RMC1: variants seen among roughly 807,000 people sequenced by gnomAD.
The protein encoded by RMC1 is regulator of MON1-CCZ1, also known as regulator of MON1-CCZ1 complex.
A neutral mutation model predicts 95.5 loss-of-function variants in RMC1; 44 were observed. That is an observed-to-expected ratio of 0.46 (90% CI 0.36 to 0.59). The LOEUF is 0.59. Ranked by LOEUF, RMC1 falls within the 20% of genes least tolerant of loss-of-function variation. RMC1 has a pLI of 0.00. For synonymous variants in RMC1, 320 were observed against 303.6 expected, an observed-to-expected ratio of 1.05 and a Z score of -0.56; for missense variants, 705 against 819.6, an observed-to-expected ratio of 0.86 and a Z score of 1.71.
At chr18:23,511,973 A>G (rs1000954028) in intron 5 of RMC1, among the ~76,000 whole-genome samples, 23 of 149,490 alleles carry the variant, frequency 1.5e-4, no homozygotes, top group African/African-American at 5.4e-4. Context: ...AGGACTGGAT[A>G]TTATCAGTCT....
At position 23,509,221 on chromosome 18, in the gene RMC1, G is replaced by C. The variant is rs945676275; in HGVS notation, c.350G>C (p.Cys117Ser). The C allele has an allele frequency of 2.7e-6, 4 of 1,458,512 alleles. No homozygotes were observed. The highest frequency in any genetic ancestry group is 3.6e-6 in the Non-Finnish European group (4 of 1,103,370). 90.3% of individuals were successfully genotyped at this position (1,458,512 alleles called of 1,614,324 possible). The stretch of plus-strand genomic sequence containing the variant: ...AAGAATGCCAACATTCTAGGATTCT[G>C]CTGGACTAGTTCAACTGAAATTGTC... ...KTKNANILGF[C>S]WTSSTEIVFI... Residue 117 changes from cysteine to serine, a missense_variant, in exon 5 of 20, where the codon TGC (cysteine) becomes TCC (serine). By Grantham distance (112) the Cys-to-Ser change is moderately radical. Transcript: ENST00000269221.
chr18:23,525,262 T>A (rs919755760), intron 12 of RMC1, among the ~76,000 whole-genome samples: 4 of 151,672 alleles, frequency 2.6e-5, no homozygotes, highest in Non-Finnish European at 4.4e-5. Flanking sequence ...AATCTTATTT[T>A]TTTAAGGCAG....
chr18:23,530,430 C>T lies in RMC1; in HGVS notation c.1712C>T (p.Ser571Phe). Reference sequence around the variant, plus strand: ...GATGAAATAGTAGAAGTTCTCCTTTCCAAACACCAAGTGTTAGCTGCCTTA... The same window carrying T: ...GATGAAATAGTAGAAGTTCTCCTTTTCAAACACCAAGTGTTAGCTGCCTTA... ...ANDEIVEVLL[S>F]KHQVLAALRF... Residue 571 changes from serine (S) to phenylalanine (F), a missense_variant, in exon 19 of 20, where the codon TCC becomes TTC. By Grantham distance (155) the Ser-to-Phe change is radical (BLOSUM62 -2). Transcript: ENST00000269221. 1 of 1,614,264 alleles carries T rather than the reference C, an allele frequency of 6.2e-7. No homozygotes were observed. The highest frequency in any genetic ancestry group is 8.5e-7 in the Non-Finnish European group (1 of 1,180,042).
At chr18:23,514,586 TAGG>T (rs1453033009) in intron 5 of RMC1, among the ~76,000 whole-genome samples, 2 of 151,944 alleles carry the variant, frequency 1.3e-5, no homozygotes, top group Non-Finnish European at 2.9e-5. Context: ...TAATGACCAA[TAGG>T]AGAACTTTAA....
chr18:23,527,952 G>C, intron 14 of RMC1, 51 bp downstream of exon 14: 1 of 1,411,020 alleles, frequency 7.1e-7, no homozygotes, highest in Non-Finnish European at 9.7e-7. Flanking sequence ...CCCCCTCCCG[G>C]GTATTTTCTA....
chr18:23,530,314 A>G lies in RMC1; in HGVS notation c.1668+17A>G. On this transcript the variant is annotated intron_variant, in intron 18 of 19. Transcript: ENST00000269221. ...ATGCTGAAGGTAACTCTGATGTGTG[A>G]GGTTTTAGACTATGGAAACTAACTC... 2 of 1,614,136 alleles carry G rather than the reference A, an allele frequency of 1.2e-6. No homozygotes were observed. Among genetic ancestry groups the G allele is most frequent in the Middle Eastern group, 1.6e-4 (1 of 6,062 alleles).
At chr18:23,510,742 C>G (rs2057832840) in intron 5 of RMC1, among the ~76,000 whole-genome samples, 1 of 152,164 alleles carries the variant, frequency 6.6e-6, no homozygotes, top group Admixed American at 6.5e-5. Context: ...CATCACTGAT[C>G]ATTAGAGAAA....
chr18:23,520,129 G>C (rs975747306), intron 9 of RMC1, 73 bp from the exon 10 acceptor site: 3 of 1,123,042 alleles, frequency 2.7e-6, no homozygotes, highest in Non-Finnish European at 4.1e-6. Flanking sequence ...TAAACAGCAA[G>C]ATGGGATGGA....
chr18:23,511,053 A>G (rs867382509), intron 5 of RMC1, among the ~76,000 whole-genome samples: 3 of 152,248 alleles, frequency 2.0e-5, no homozygotes, highest in African/African-American at 7.2e-5. Flanking sequence ...ACTGTTCACA[A>G]TGGCAAAGAC....
intron 12 of RMC1, among the ~76,000 whole-genome samples, 165 bp downstream of exon 12, chr18:23,524,647 G>A (rs778151814): frequency 3.7e-4 from 56 of 151,510 alleles, no homozygotes; most frequent in Non-Finnish European, 7.1e-4. Context: ...TTTACTATAT[G>A]TGCATTTTAT....
Position 23,520,294 on chromosome 18 carries a change from C to G in RMC1, c.942C>G (p.Pro314=). ...TGCTTCCCGCTCGATCGATCCAGCC[C>G]TATCAGATCCCCATCACAGGTAACA... ...HPVLPARSIQ[P]YQIPITGPAA... Residue 314 remains proline (P), a synonymous_variant, in exon 10 of 20, where the codon CCC becomes CCG. Coordinates refer to ENST00000269221, the MANE Select transcript of RMC1 (RefSeq NM_013326.5). The G allele has an allele frequency of 1.9e-6, 3 of 1,613,918 alleles. No individual in the cohort carries two copies. Among genetic ancestry groups the G allele is most frequent in the Non-Finnish European group, 2.5e-6 (3 of 1,179,804 alleles).
At chr18:23,503,772 C>A in intron 1 of RMC1, 52 bp downstream of exon 1, 1 of 1,505,700 alleles carries the variant, frequency 6.6e-7, no homozygotes, top group Non-Finnish European at 9.0e-7. Flanking sequence ...GGGTCGTGGG[C>A]GCGCCAAGGC....
chr18:23,529,329 TGA>T, intron 15 of RMC1, 31 bp downstream of exon 15: 1 of 1,592,630 alleles, frequency 6.3e-7, no homozygotes, highest in Non-Finnish European at 8.5e-7. Flanking sequence ...TCTTCTGGAC[TGA>T]GAATGCTCAA....
At chr18:23,523,811 A>G (rs1181290658) in intron 10 of RMC1, among the ~76,000 whole-genome samples, 2 of 152,218 alleles carry the variant, frequency 1.3e-5, no homozygotes, top group African/African-American at 2.4e-5. Context: ...GAATCCTTCA[A>G]GTAAATTTCT....
chr18:23,520,882 A>C (rs1372111860), intron 10 of RMC1, among the ~76,000 whole-genome samples: 11 of 152,024 alleles, frequency 7.2e-5, no homozygotes, highest in Non-Finnish European at 1.6e-4. Flanking sequence ...CGCCCAGCTA[A>C]TTTTTTTGTA....
intron 10 of RMC1, among the ~76,000 whole-genome samples, chr18:23,521,890 C>G (rs551083217): frequency 1.1e-4 from 17 of 152,308 alleles, no homozygotes; most frequent in African/African-American, 3.9e-4. Flanking sequence ...TCTCTCCCGG[C>G]TCTCTTTTGA....
At chr18:23,519,520 A>G (rs989425095) in intron 9 of RMC1, among the ~76,000 whole-genome samples, 4 of 134,118 alleles carry the variant, frequency 3.0e-5, no homozygotes, top group Admixed American at 7.4e-5. Context: ...CCTGTCTCCG[A>G]AAAAAAAAAA....
chr18:23,503,533 C>T lies in RMC1; in HGVS notation c.-86C>T. 2.1e-6 allele frequency: 2 copies of T among 934,934 alleles called. No individual in the cohort carries two copies. The highest frequency in any genetic ancestry group is 2.9e-6 in the Non-Finnish European group (2 of 691,628). 57.9% of individuals were successfully genotyped at this position (934,934 alleles called of 1,614,324 possible). A position where few individuals can be genotyped will look rare whatever the true frequency, so the allele number is the denominator to read the frequency against. ...CCCAGAGCCGCAGCCGCAGCCGCCGCTACAGTCCGGGCCGGGCTCCACCGC... is the reference window on the plus strand; with the variant it reads ...CCCAGAGCCGCAGCCGCAGCCGCCGTTACAGTCCGGGCCGGGCTCCACCGC... On this transcript the variant is annotated 5_prime_UTR_variant, in exon 1 of 20. Transcript: ENST00000269221.
Position 23,531,774 on chromosome 18 carries a change from A to G in RMC1, c.*70A>G. 6.4e-7 allele frequency: 1 copy of G among 1,572,432 alleles called. No individual in the cohort carries two copies. The highest frequency in any genetic ancestry group is 8.6e-7 in the Non-Finnish European group (1 of 1,165,432). On this transcript the variant is annotated 3_prime_UTR_variant, in exon 20 of 20. Coordinates refer to ENST00000269221, the MANE Select transcript of RMC1 (RefSeq NM_013326.5). ...TTATTGCATTAATAAAGCTCTTTAA[A>G]CTATAAAATGTTATAAAGTGTATCT...
Sources: allele counts gnomAD v4.1 joint callset (sites outside exome capture counted in the v4.1 genomes callset), GRCh38; gene constraint gnomAD v4.1.1; transcripts MANE v1.5; gene names NCBI Gene and HGNC (gene_info 2026-07-23, HGNC 2026-07-21).